LCLAT1: variants seen among roughly 807,000 people sequenced by gnomAD.
LCLAT1 encodes the protein 1-AGP acyltransferase 8.
LCLAT1 carries 11 observed loss-of-function variants against 30.7 expected under a neutral mutation model. The ratio of observed to expected loss-of-function variants is 0.36; its 90% confidence interval spans 0.23 to 0.59. The LOEUF (loss-of-function observed/expected upper bound fraction) is 0.59, where lower values mean the gene tolerates loss of function less well. Ranked by LOEUF, LCLAT1 falls within the 20% of genes least tolerant of loss-of-function variation. LCLAT1 has a pLI of 0.77. For synonymous variants in LCLAT1, 155 were observed against 151.3 expected (o/e 1.02, Z -0.18); for missense variants, 402 against 458.6 (o/e 0.88, Z 1.13).
chr2:30,592,581 ATC>A (rs1318261245), intron 5 of LCLAT1, among the ~76,000 whole-genome samples: 20 of 152,366 alleles, frequency 1.3e-4, no homozygotes, highest in African/African-American at 4.8e-4. Context: ...GAACTGAGAT[ATC>A]ATATAATTAT....
intron 1 of LCLAT1, among the ~76,000 whole-genome samples, chr2:30,453,042 G>C (rs1417139316): frequency 6.6e-6 from 1 of 152,150 alleles, no homozygotes; most frequent in Non-Finnish European, 1.5e-5. Context: ...CTTGCTCAGA[G>C]AAAATGGATT....
At chr2:30,574,905 T>A (rs1394565499) in intron 5 of LCLAT1, among the ~76,000 whole-genome samples, 1 of 152,220 alleles carries the variant, frequency 6.6e-6, no homozygotes, top group Non-Finnish European at 1.5e-5. Context: ...TCTGCCAGCA[T>A]GTCCTTAGAA....
chr2:30,636,902 G>GTT (rs1669058534), intron 5 of LCLAT1, among the ~76,000 whole-genome samples: 1 of 152,224 alleles, frequency 6.6e-6, no homozygotes, highest in African/African-American at 2.4e-5. Flanking sequence ...GAGTAGAGAG[G>GTT]TAGAAGGAGC....
At chr2:30,637,920 C>G (rs944155543) in intron 5 of LCLAT1, among the ~76,000 whole-genome samples, 1 of 152,176 alleles carries the variant, frequency 6.6e-6, no homozygotes, top group Non-Finnish European at 1.5e-5. Flanking sequence ...GGCCTAGTCT[C>G]TCTTCAAATA....
intron 1 of LCLAT1, among the ~76,000 whole-genome samples, chr2:30,481,467 G>C (rs1335829555): frequency 6.6e-6 from 1 of 152,010 alleles, no homozygotes; most frequent in African/African-American, 2.4e-5. Flanking sequence ...GGTAGAGGAG[G>C]GGGAGCCAAC....
At chr2:30,568,996 T>A (rs947137237) in intron 5 of LCLAT1, among the ~76,000 whole-genome samples, 1 of 150,976 alleles carries the variant, frequency 6.6e-6, no homozygotes, top group East Asian at 1.9e-4. Flanking sequence ...ATCTGAAAAA[T>A]AATTTTACTT....
chr2:30,502,570 G>T (rs1684451848), intron 1 of LCLAT1, among the ~76,000 whole-genome samples: 1 of 152,080 alleles, frequency 6.6e-6, no homozygotes, highest in Non-Finnish European at 1.5e-5. Context: ...TCTGCTCTCT[G>T]TCTCTGTAGC....
intron 3 of LCLAT1, among the ~76,000 whole-genome samples, chr2:30,546,730 A>T (rs1251471689): frequency 6.6e-6 from 1 of 152,190 alleles, no homozygotes; most frequent in Non-Finnish European, 1.5e-5. Flanking sequence ...ATAATGCCTA[A>T]CTTTACCTCC....
At chr2:30,452,953 C>CAGT (rs1211026469) in intron 1 of LCLAT1, among the ~76,000 whole-genome samples, 1 of 152,050 alleles carries the variant, frequency 6.6e-6, no homozygotes, top group Non-Finnish European at 1.5e-5. Context: ...GGGTTGCCAT[C>CAGT]AGTGAAAGCT....
intron 2 of LCLAT1, among the ~76,000 whole-genome samples, chr2:30,531,745 C>G (rs1187725900): frequency 6.6e-6 from 1 of 152,124 alleles, no homozygotes; most frequent in Non-Finnish European, 1.5e-5. Context: ...ATTTCTTTAG[C>G]TAATATTATT....
At chr2:30,501,627 A>G (rs900646344) in intron 1 of LCLAT1, among the ~76,000 whole-genome samples, 2 of 152,130 alleles carry the variant, frequency 1.3e-5, no homozygotes, top group Non-Finnish European at 2.9e-5. Flanking sequence ...GTGAGCCGAG[A>G]TCATACCACT....
intron 5 of LCLAT1, among the ~76,000 whole-genome samples, chr2:30,636,586 A>C (rs10469987): frequency 0.12 from 18,351 of 152,082 alleles, 1,291 homozygotes; most frequent in South Asian, 0.23. Context: ...TGAATCTAGA[A>C]TCTTTCATCA....
chr2:30,469,879 C>T (rs1682687466), intron 1 of LCLAT1, among the ~76,000 whole-genome samples: 1 of 152,126 alleles, frequency 6.6e-6, no homozygotes, highest in South Asian at 2.1e-4. Flanking sequence ...ATGCATGAGC[C>T]ACTGCACCTG....
rs533323634 is a variant in LCLAT1, at chr2:30,533,779, T to A, written c.364+465T>A. On this transcript the variant is annotated intron_variant, in intron 3 of 5. Coordinates refer to ENST00000379509, the MANE Select transcript of LCLAT1 (RefSeq NM_001002257.3). The stretch of plus-strand genomic sequence containing the variant: ...AACTTCCCCAATCTATAACTTTTTT[T>A]AAAAAATGTTTTTATCGCGCTTGTA... 1.2e-4 allele frequency among the ~76,000 whole-genome samples: 18 copies of A among 152,268 alleles called. 1 individual carries two copies. Among genetic ancestry groups the A allele is most frequent in the Admixed American group, 2.6e-4 (4 of 15,304 alleles).
chr2:30,488,242 A>G (rs745456014), intron 1 of LCLAT1, among the ~76,000 whole-genome samples: 1 of 152,242 alleles, frequency 6.6e-6, no homozygotes, highest in Non-Finnish European at 1.5e-5. Context: ...GCAATCAGGA[A>G]TATTAGTAAA....
At chr2:30,524,288 A>G (rs1685607230) in intron 1 of LCLAT1, among the ~76,000 whole-genome samples, 1 of 152,202 alleles carries the variant, frequency 6.6e-6, no homozygotes, top group Non-Finnish European at 1.5e-5. Flanking sequence ...TCTAAGTTCT[A>G]CTTAATCCTT....
chr2:30,525,952 T>C (rs926110709), intron 2 of LCLAT1, among the ~76,000 whole-genome samples, 197 bp downstream of exon 2: 2 of 152,214 alleles, frequency 1.3e-5, no homozygotes, highest in African/African-American at 4.8e-5. Flanking sequence ...TAGTTGTTAT[T>C]GTTAGGGAAT....
intron 1 of LCLAT1, among the ~76,000 whole-genome samples, chr2:30,477,735 G>A (rs1683119532): frequency 6.6e-6 from 1 of 152,162 alleles, no homozygotes; most frequent in African/African-American, 2.4e-5. Context: ...CTAGTGAAAG[G>A]AGAGACACTC....
At chr2:30,494,469 T>C (rs954843979) in intron 1 of LCLAT1, among the ~76,000 whole-genome samples, 1 of 152,154 alleles carries the variant, frequency 6.6e-6, no homozygotes, top group Non-Finnish European at 1.5e-5. Context: ...CAATAATATC[T>C]ATCTTGAAAG....
Sources: gnomAD v4.1 joint callset for allele counts (sites outside exome capture counted in the v4.1 genomes callset) on GRCh38, gnomAD v4.1.1 for gene constraint, MANE v1.5 for transcripts, NCBI Gene and HGNC (gene_info 2026-07-23, HGNC 2026-07-21) for gene names.